The following SLC8A1 variants were observed in gnomAD, a reference collection of about 807,000 sequenced individuals.
SLC8A1 encodes the protein solute carrier family 8 member A1.
A neutral mutation model predicts 68.3 loss-of-function variants in SLC8A1; 18 were observed. The observed-to-expected ratio is 0.26, with a 90% CI of 0.18 to 0.39. The LOEUF is 0.39. Among genes scored for constraint, SLC8A1 ranks in the 10% least tolerant of loss-of-function variants. The pLI is 1.00. For synonymous variants in SLC8A1, 475 were observed against 415.5 expected, an observed-to-expected ratio of 1.14 and a Z score of -1.74; for missense variants, 985 against 1,156.7, an observed-to-expected ratio of 0.85 and a Z score of 2.15.
intron 2 of SLC8A1, among the ~76,000 whole-genome samples, chr2:40,221,005 A>G (rs2148838834): frequency 6.6e-6 from 1 of 152,260 alleles, no homozygotes; most frequent in South Asian, 2.1e-4. Context: ...AAAAAGAGGG[A>G]CTTCTCCCTA....
chr2:40,253,137 G>GTATATGTATATACATACATA lies in SLC8A1; in HGVS notation c.1809-75302_1809-75283dup, dbSNP rs1336021327. On this transcript the variant is annotated intron_variant, in intron 2 of 7. Transcript: ENST00000406785. The stretch of plus-strand genomic sequence containing the variant: ...TGTATACATATATACACGTATATAT[G>GTATATGTATATACATACATA]TATATGTATATACATACATATATAT... Among the ~76,000 whole-genome samples, 39 of 103,582 alleles carry GTATATGTATATACATACATA rather than the reference G, an allele frequency of 3.8e-4. 2 individuals carry two copies. The highest frequency in any genetic ancestry group is 3.5e-3 in the South Asian group (14 of 3,950). The allele number at this position is 103,582 out of a possible 152,430, so 68.0% of individuals were successfully genotyped here.
intron 7 of SLC8A1, among the ~76,000 whole-genome samples, chr2:40,126,202 C>T (rs778505123): frequency 6.6e-6 from 1 of 152,196 alleles, no homozygotes; most frequent in Non-Finnish European, 1.5e-5. Context: ...GATAACACAT[C>T]TACGCTGACT....
At chr2:40,303,195 C>T (rs1369441010) in intron 2 of SLC8A1, among the ~76,000 whole-genome samples, 1 of 152,146 alleles carries the variant, frequency 6.6e-6, no homozygotes, top group Non-Finnish European at 1.5e-5. Flanking sequence ...ATTTAAAAAC[C>T]TTGAGCCATT....
Position 40,202,503 on chromosome 2 carries a change from C to T in SLC8A1, c.1809-24648G>A, listed in dbSNP as rs149894693. Among the ~76,000 whole-genome samples the T allele has an allele frequency of 8.4e-4, 128 of 152,092 alleles. 1 individual carries two copies. The highest frequency in any genetic ancestry group is 2.9e-3 in the African/African-American group (122 of 41,520). On this transcript the variant is annotated intron_variant, in intron 2 of 7. Transcript: ENST00000406785. ...AGAACAAAATCCCTGTCTGCTTCAA[C>T]TTTGCATTTCTGAATAGAAGGGGAA...
intron 2 of SLC8A1, among the ~76,000 whole-genome samples, chr2:40,341,267 G>C (rs62150835): frequency 0.011 from 1,725 of 152,272 alleles, 13 homozygotes; most frequent in Non-Finnish European, 0.019. Flanking sequence ...GAGCACTAAT[G>C]AGTATTTTCA....
chr2:40,440,169 TC>T (rs1451261522), intron 1 of SLC8A1, among the ~76,000 whole-genome samples: 1 of 152,032 alleles, frequency 6.6e-6, no homozygotes, highest in East Asian at 1.9e-4. Flanking sequence ...TTTAAACCAA[TC>T]TTATATACCT....
intron 2 of SLC8A1, among the ~76,000 whole-genome samples, chr2:40,250,660 A>C (rs1008444372): frequency 6.6e-6 from 1 of 152,136 alleles, no homozygotes; most frequent in Non-Finnish European, 1.5e-5. Flanking sequence ...TCTGCTACTA[A>C]AGAAACTTTC....
At chr2:40,509,681 C>G (rs1034503585) in intron 1 of SLC8A1, among the ~76,000 whole-genome samples, 5 of 152,068 alleles carry the variant, frequency 3.3e-5, no homozygotes, top group African/African-American at 1.2e-4. Context: ...CCAGACAGGT[C>G]TCATGATGTA....
chr2:40,256,276 G>A (rs1172139447), intron 2 of SLC8A1, among the ~76,000 whole-genome samples: 1 of 152,256 alleles, frequency 6.6e-6, no homozygotes, highest in Non-Finnish European at 1.5e-5. Context: ...GAGAGGTGTG[G>A]AATATAAAAT....
chr2:40,389,389 T>C (rs1684590809), intron 2 of SLC8A1, among the ~76,000 whole-genome samples: 3 of 152,112 alleles, frequency 2.0e-5, no homozygotes. Flanking sequence ...TTTGCAATAT[T>C]TCATATTTAC....
chr2:40,386,210 C>A (rs1474147574), intron 2 of SLC8A1, among the ~76,000 whole-genome samples: 1 of 151,364 alleles, frequency 6.6e-6, no homozygotes, highest in African/African-American at 2.5e-5. Flanking sequence ...ACGTGGAAAT[C>A]TTAAATGACT....
chr2:40,439,570 A>T (rs1700102431), intron 1 of SLC8A1, among the ~76,000 whole-genome samples: 1 of 152,138 alleles, frequency 6.6e-6, no homozygotes, highest in African/African-American at 2.4e-5. Context: ...CAATCCAGCA[A>T]GATTTTTTTC....
chr2:40,145,550 C>A (rs1196418454), intron 6 of SLC8A1, among the ~76,000 whole-genome samples: 1 of 152,168 alleles, frequency 6.6e-6, no homozygotes, highest in African/African-American at 2.4e-5. Context: ...TTTTTTGCAA[C>A]CTGACATACA....
intron 2 of SLC8A1, chr2:40,251,320 G>C (rs2062714311): frequency 6.6e-6 from 1 of 152,176 alleles, no homozygotes. Context: ...TGTGTAAACA[G>C]ACTTACACAA....
chr2:40,400,725 C>T (rs1477950734), intron 2 of SLC8A1, among the ~76,000 whole-genome samples: 2 of 152,080 alleles, frequency 1.3e-5, no homozygotes, highest in African/African-American at 2.4e-5. Flanking sequence ...TACCAGTTCC[C>T]TTGCAAGATG....
At chr2:40,374,653 T>C (rs1183003394) in intron 2 of SLC8A1, among the ~76,000 whole-genome samples, 1 of 151,954 alleles carries the variant, frequency 6.6e-6, no homozygotes, top group Non-Finnish European at 1.5e-5. Flanking sequence ...AAGGTGATGG[T>C]GGCAGACAGA....
chr2:40,238,971 A>C (rs1397340966), intron 2 of SLC8A1, among the ~76,000 whole-genome samples: 2 of 152,174 alleles, frequency 1.3e-5, no homozygotes, highest in Admixed American at 6.5e-5. Flanking sequence ...GTTGTCATGG[A>C]AACAGTTCCA....
chr2:40,190,150 A>G (rs1486503471), intron 2 of SLC8A1, among the ~76,000 whole-genome samples: 3 of 152,208 alleles, frequency 2.0e-5, no homozygotes, highest in Non-Finnish European at 4.4e-5. Flanking sequence ...CGCAAATGCC[A>G]TGCTGCTTAG....
Position 40,337,295 on chromosome 2 carries a change from T to C in SLC8A1, c.1808+91178A>G, listed in dbSNP as rs755126905. 37 of 351,880 alleles carry C rather than the reference T, an allele frequency of 1.1e-4. 2 individuals carry two copies. The highest frequency in any genetic ancestry group is 5.0e-4 in the Admixed American group (20 of 39,900). 21.8% of individuals were successfully genotyped at this position (351,880 alleles called of 1,614,324 possible). A position where few individuals can be genotyped will look rare whatever the true frequency, so the allele number is the denominator to read the frequency against. Reference sequence around the variant, plus strand: ...TTCTTAGGTATAAAATTTTAGTATGTTTATGCATCATCATAAACAGTGATA... The same window carrying C: ...TTCTTAGGTATAAAATTTTAGTATGCTTATGCATCATCATAAACAGTGATA... On this transcript the variant is annotated intron_variant, in intron 2 of 7. Coordinates refer to ENST00000406785, the Ensembl canonical transcript of SLC8A1.
Sources: allele counts gnomAD v4.1 joint callset (sites outside exome capture counted in the v4.1 genomes callset), GRCh38; gene constraint gnomAD v4.1.1; transcripts MANE v1.5; gene names NCBI Gene and HGNC (gene_info 2026-07-23, HGNC 2026-07-21).